RNF213: variants seen among roughly 807,000 people sequenced by gnomAD.
RNF213 encodes the protein E3 ubiquitin-protein ligase RNF213.
Under a neutral mutation model 514.4 loss-of-function variants are expected in RNF213, and 341 were observed. The observed-to-expected ratio is 0.66, with a 90% CI of 0.61 to 0.73. The LOEUF (loss-of-function observed/expected upper bound fraction) is 0.73, where lower values mean the gene tolerates loss of function less well. RNF213 is among the 30% of genes least tolerant of loss of function. RNF213 has a pLI of 0.00. For synonymous variants in RNF213, 2,655 were observed against 2,658.2 expected, an observed-to-expected ratio of 1.00 and a Z score of 0.04; for missense variants, 5,767 against 6,615.6, an observed-to-expected ratio of 0.87 and a Z score of 4.45.
intron 1 of RNF213, among the ~76,000 whole-genome samples, chr17:80,261,474 C>T (rs895345745): frequency 6.6e-6 from 1 of 152,190 alleles, no homozygotes; most frequent in South Asian, 2.1e-4. Context: ...TGCCTGCAAG[C>T]CGGCGGGCCG....
At position 80,289,764 on chromosome 17, in the gene RNF213, A is replaced by G; in HGVS notation, c.1039A>G (p.Arg347Gly). The change falls in exon 6 of 68, where the codon AGA (arginine) becomes GGA (glycine). Residue 347 changes from arginine to glycine, a missense_variant. Physicochemically the swap from Arg to Gly is moderately radical, Grantham distance 125 (BLOSUM62 -2). Transcript: ENST00000582970. The part of the protein sequence containing the change: ...EDLKKPEGKN[R>G]SAAAVKNEKE... ...CCTCAAGAAGCCAGAGGGGAAGAAC[A>G]GAAGTGCAGCTGCTGTGAAAAACGA... The G allele has an allele frequency of 6.2e-7, 1 of 1,614,002 alleles. No homozygotes were observed. The highest frequency in any genetic ancestry group is 1.1e-5 in the South Asian group (1 of 91,068).
chr17:80,290,499 G>GTGTGTGTGTGCA, intron 6 of RNF213, 71 bp from the exon 7 acceptor site: 1 of 1,575,868 alleles, frequency 6.3e-7, no homozygotes, highest in Non-Finnish European at 8.7e-7. Flanking sequence ...GTGTGTGTGC[G>GTGTGTGTGTGCA]CGTGTGTGCA....
At chr17:80,383,361 C>T (rs894567471) in intron 58 of RNF213, among the ~76,000 whole-genome samples, 4 of 152,084 alleles carry the variant, frequency 2.6e-5, no homozygotes, top group Admixed American at 6.6e-5. Context: ...ATGTAATGTA[C>T]GAGGTAGAGA....
At chr17:80,337,796 C>T (rs1453783958) in intron 24 of RNF213, 37 bp from the exon 25 acceptor site, 3 of 1,536,222 alleles carry the variant, frequency 2.0e-6, no homozygotes, top group Non-Finnish European at 2.6e-6. Context: ...GGTCTTCTGG[C>T]CCCAAGAAAG....
At chr17:80,275,003 G>T (rs1323475590) in intron 3 of RNF213, among the ~76,000 whole-genome samples, 1 of 125,340 alleles carries the variant, frequency 8.0e-6, no homozygotes. Context: ...ATGTGTTGGG[G>T]TATGTGAGTT....
At position 80,307,156 on chromosome 17, in the gene RNF213, A is replaced by G. The variant is rs1423603519; in HGVS notation, c.2456A>G (p.Asn819Ser). 6.2e-7 allele frequency: 1 copy of G among 1,613,950 alleles called. No individual in the cohort carries two copies. Among genetic ancestry groups the G allele is most frequent in the Non-Finnish European group, 8.5e-7 (1 of 1,179,940 alleles). Residue 819 changes from asparagine to serine, a missense_variant, in exon 13 of 68, where the codon AAC becomes AGC. Physicochemically the swap from Asn to Ser is conservative, Grantham distance 46. Transcript: ENST00000582970. ...QDVQDVQNVQ[N>S]ILEMLLRLLD... ...GTTCAGGATGTTCAGAACGTTCAGA[A>G]CATTTTAGAAATGCTGTTGCGACTC...
At chr17:80,364,400 A>C (rs1347454964) in intron 41 of RNF213, 33 bp from the exon 42 acceptor site, 1 of 1,606,008 alleles carries the variant, frequency 6.2e-7, no homozygotes. Flanking sequence ...GTGGGAGCCG[A>C]GTGAGTGAGT....
intron 28 of RNF213, 56 bp downstream of exon 28, chr17:80,344,071 T>C (rs1267982819): frequency 4.4e-6 from 7 of 1,584,256 alleles, no homozygotes; most frequent in East Asian, 2.2e-5. Flanking sequence ...TTCTTTCTGG[T>C]CTTACTGAAG....
chr17:80,304,656 A>AAATC (rs531065355), intron 11 of RNF213, among the ~76,000 whole-genome samples: 1 of 146,044 alleles, frequency 6.8e-6, no homozygotes, highest in Non-Finnish European at 1.5e-5. Flanking sequence ...ATAAATAAAT[A>AAATC]AATAATAATA....
At chr17:80,359,911 T>TA (rs2078991993) in intron 37 of RNF213, 150 bp from the exon 38 acceptor site, 1 of 743,142 alleles carries the variant, frequency 1.3e-6, no homozygotes, top group African/African-American at 1.7e-5. Flanking sequence ...AGAAACCCTG[T>TA]ACTGTGAAAC....
chr17:80,294,886 C>G lies in RNF213; in HGVS notation c.1638C>G (p.Thr546=), dbSNP rs760322802. The G allele has an allele frequency of 6.2e-6, 10 of 1,614,226 alleles. 1 individual carries two copies. The South Asian group carries it at 1.1e-4, about 18-fold the overall frequency. ...STFSILQTWD[T]INLNSFFTQF... ...TCAGCATCCTGCAGACCTGGGACAC[C>G]ATCAACCTGAACAGCTTCTTCACCC... The change falls in exon 9 of 68, where the codon ACC becomes ACG. Residue 546 remains threonine, a synonymous_variant. Transcript: ENST00000582970.
chr17:80,375,406 G>GTAC (rs1391758310), intron 50 of RNF213, among the ~76,000 whole-genome samples: 1 of 152,086 alleles, frequency 6.6e-6, no homozygotes, highest in African/African-American at 2.4e-5. Context: ...TGGCCCTTAG[G>GTAC]TAGATCTGGC....
intron 16 of RNF213, among the ~76,000 whole-genome samples, chr17:80,318,898 T>C (rs1045284498): frequency 1.3e-5 from 2 of 152,168 alleles, no homozygotes; most frequent in Non-Finnish European, 1.5e-5. Context: ...AATGGATCTT[T>C]AAAGGGAAAA....
At chr17:80,386,497 A>C in intron 62 of RNF213, 67 bp downstream of exon 62, 1 of 1,562,310 alleles carries the variant, frequency 6.4e-7, no homozygotes, top group Non-Finnish European at 8.8e-7. Flanking sequence ...AGTGGGGCAG[A>C]CACAAGCAAG....
At chr17:80,330,449 G>A (rs1202118080) in intron 20 of RNF213, among the ~76,000 whole-genome samples, 2 of 152,178 alleles carry the variant, frequency 1.3e-5, no homozygotes, top group Non-Finnish European at 2.9e-5. Flanking sequence ...CCTGGAGGGT[G>A]TGGGCCTGGC....
intron 37 of RNF213, among the ~76,000 whole-genome samples, chr17:80,359,630 A>T (rs1419173067): frequency 6.6e-6 from 1 of 151,746 alleles, no homozygotes; most frequent in Non-Finnish European, 1.5e-5. Context: ...GTAAAGAAAG[A>T]AAGAGTGAGA....
chr17:80,335,161 G>C (rs1056925884), intron 22 of RNF213, among the ~76,000 whole-genome samples: 1 of 152,172 alleles, frequency 6.6e-6, no homozygotes, highest in African/African-American at 2.4e-5. Flanking sequence ...GACCTCAGGT[G>C]ATCCACCCAT....
Position 80,377,437 on chromosome 17 carries a change from C to A in RNF213, c.13511-325C>A, listed in dbSNP as rs201461095. Among the ~76,000 whole-genome samples, 61 of 143,260 alleles carry A rather than the reference C, an allele frequency of 4.3e-4. No individual in the cohort carries two copies. Among genetic ancestry groups the A allele is most frequent in the South Asian group, 4.4e-4 (2 of 4,574 alleles). 94.0% of individuals were successfully genotyped at this position (143,260 alleles called of 152,430 possible). A position where few individuals can be genotyped will look rare whatever the true frequency, so the allele number is the denominator to read the frequency against. On this transcript the variant is annotated intron_variant, in intron 53 of 67. Coordinates refer to ENST00000582970, the MANE Select transcript of RNF213 (RefSeq NM_001256071.3). This position sits in a 1 kb window ranked among gnomAD's most constrained non-coding sequence, Gnocchi z 4.1. ...AAGTTGTTATAAAATATGCTCATGA[C>A]AAAAAAAAAAAAATCAAGGAAAATA...
At chr17:80,354,939 C>T (rs2078676559) in intron 36 of RNF213, 1 of 366,440 alleles carries the variant, frequency 2.7e-6, no homozygotes, top group South Asian at 2.2e-5. Flanking sequence ...AGGCAGGGGA[C>T]AGGCGGGATT....
Sources: allele counts gnomAD v4.1 joint callset (sites outside exome capture counted in the v4.1 genomes callset), GRCh38; gene constraint gnomAD v4.1.1; non-coding constraint Gnocchi (gnomAD v3.1); transcripts MANE v1.5; gene names NCBI Gene and HGNC (gene_info 2026-07-23, HGNC 2026-07-21).